Variants in MALRD1 observed in about 807,000 individuals in gnomAD.
MALRD1 encodes MAM and LDL receptor class A domain containing 1.
In MALRD1, 247 loss-of-function variants were observed where a neutral mutation model predicts 242.1. The ratio of observed to expected loss-of-function variants is 1.02; its 90% confidence interval spans 0.92 to 1.13. The LOEUF (loss-of-function observed/expected upper bound fraction) is 1.13. MALRD1 is among the 50% of genes most tolerant of loss of function. The probability of loss-of-function intolerance (pLI) is 0.00; values close to 1 mark genes in which losing one functional copy is unlikely to be tolerated. For missense variants in MALRD1, 2,989 were observed against 2,533.1 expected, an observed-to-expected ratio of 1.18 and a Z score of -3.86; for synonymous variants, 995 against 866.6, an observed-to-expected ratio of 1.15 and a Z score of -2.60.
intron 18 of MALRD1, among the ~76,000 whole-genome samples, chr10:19,242,824 G>T (rs1838851640): frequency 6.6e-6 from 1 of 151,960 alleles, no homozygotes; most frequent in African/African-American, 2.4e-5. Flanking sequence ...CTTTAATAGT[G>T]AGGTAAGTAT....
At chr10:19,536,860 TAAG>T (rs1236239569) in intron 32 of MALRD1, among the ~76,000 whole-genome samples, 5 of 152,026 alleles carry the variant, frequency 3.3e-5, no homozygotes, top group Non-Finnish European at 5.9e-5. Flanking sequence ...CTGGAGCAAA[TAAG>T]AAAGTTTCCT....
At chr10:19,604,395 T>G (rs1255106775) in intron 34 of MALRD1, among the ~76,000 whole-genome samples, 1 of 152,196 alleles carries the variant, frequency 6.6e-6, no homozygotes, top group Non-Finnish European at 1.5e-5. Context: ...ACATTCCCTC[T>G]GCTCCAGCCT....
intron 23 of MALRD1, among the ~76,000 whole-genome samples, chr10:19,328,103 T>G (rs920942382): frequency 2.6e-5 from 4 of 152,232 alleles, no homozygotes; most frequent in African/African-American, 4.8e-5. Context: ...AAAATATTTT[T>G]GGGGGGCACA....
chr10:19,238,736 C>T (rs1838615796), intron 18 of MALRD1, among the ~76,000 whole-genome samples: 1 of 149,028 alleles, frequency 6.7e-6, no homozygotes, highest in African/African-American at 2.5e-5. Flanking sequence ...AGTGGGATTG[C>T]TGGGTTATGT....
intron 18 of MALRD1, among the ~76,000 whole-genome samples, chr10:19,227,937 G>C (rs1169207344): frequency 6.6e-6 from 1 of 152,182 alleles, no homozygotes; most frequent in African/African-American, 2.4e-5. Flanking sequence ...ACCCACTGGA[G>C]TGGCTGACAC....
intron 26 of MALRD1, among the ~76,000 whole-genome samples, chr10:19,377,038 G>A (rs1251690930): frequency 6.6e-6 from 1 of 152,144 alleles, no homozygotes; most frequent in Non-Finnish European, 1.5e-5. Context: ...ACAATTCTTA[G>A]AACAGGATTC....
At chr10:19,429,580 A>AAACTT (rs1165357114) in intron 28 of MALRD1, among the ~76,000 whole-genome samples, 1 of 151,948 alleles carries the variant, frequency 6.6e-6, no homozygotes, top group African/African-American at 2.4e-5. Context: ...AAACAAAACA[A>AAACTT]AACAAATAGA....
intron 31 of MALRD1, among the ~76,000 whole-genome samples, chr10:19,521,987 T>C (rs1833902424): frequency 6.6e-6 from 1 of 152,112 alleles, no homozygotes; most frequent in Non-Finnish European, 1.5e-5. Flanking sequence ...CATTTTCACA[T>C]CTGTCATCCA....
intron 31 of MALRD1, among the ~76,000 whole-genome samples, chr10:19,515,445 G>A (rs1457963103): frequency 2.6e-5 from 4 of 152,102 alleles, no homozygotes; most frequent in African/African-American, 7.2e-5. Flanking sequence ...ATGAGAAACT[G>A]TAGAAGAGGC....
At chr10:19,228,847 CTT>C (rs1218124369) in intron 18 of MALRD1, among the ~76,000 whole-genome samples, 1 of 151,912 alleles carries the variant, frequency 6.6e-6, no homozygotes, top group African/African-American at 2.4e-5. Flanking sequence ...TTTTTGAAGA[CTT>C]TACTTCAAAA....
At chr10:19,565,874 T>G (rs1040105219) in intron 32 of MALRD1, among the ~76,000 whole-genome samples, 5 of 152,208 alleles carry the variant, frequency 3.3e-5, no homozygotes, top group African/African-American at 4.8e-5. Flanking sequence ...GTTTCCAAAC[T>G]TTGGGCAAGT....
At chr10:19,690,817 GTAGA>G (rs980081052) in intron 36 of MALRD1, among the ~76,000 whole-genome samples, 13 of 152,050 alleles carry the variant, frequency 8.5e-5, no homozygotes, top group East Asian at 7.7e-4. Context: ...TGATAGGTAG[GTAGA>G]TAGATAGACA....
At chr10:19,141,857 T>C (rs990736929) in intron 10 of MALRD1, among the ~76,000 whole-genome samples, 2 of 151,988 alleles carry the variant, frequency 1.3e-5, no homozygotes, top group African/African-American at 4.8e-5. Context: ...TGTGATATTG[T>C]CTCTAGATGT....
chr10:19,318,488 G>A (rs1842792295), intron 21 of MALRD1, among the ~76,000 whole-genome samples: 1 of 149,172 alleles, frequency 6.7e-6, no homozygotes, highest in Non-Finnish European at 1.5e-5. Context: ...CTGTTGGATT[G>A]GGGAAATTAT....
intron 21 of MALRD1, among the ~76,000 whole-genome samples, chr10:19,287,504 C>G (rs1841182161): frequency 1.3e-5 from 2 of 151,878 alleles, no homozygotes. Flanking sequence ...ATGATTGTTT[C>G]CTTTGTTTAT....
chr10:19,066,209 C>G (rs919334233), intron 1 of MALRD1, among the ~76,000 whole-genome samples: 5 of 152,084 alleles, frequency 3.3e-5, no homozygotes, highest in Non-Finnish European at 7.4e-5. Flanking sequence ...AAGAAAAAAT[C>G]TTTACGCGTT....
At chr10:19,233,354 T>C (rs1024133461) in intron 18 of MALRD1, among the ~76,000 whole-genome samples, 1 of 151,980 alleles carries the variant, frequency 6.6e-6, no homozygotes, top group Non-Finnish European at 1.5e-5. Flanking sequence ...ATACAAAAAT[T>C]AGCCAGGTGT....
At chr10:19,591,430 C>A (rs1217326008) in intron 33 of MALRD1, among the ~76,000 whole-genome samples, 3 of 151,762 alleles carry the variant, frequency 2.0e-5, no homozygotes, top group Non-Finnish European at 4.4e-5. Flanking sequence ...AGAATAAATC[C>A]ATTAACATTA....
intron 5 of MALRD1, among the ~76,000 whole-genome samples, chr10:19,107,436 G>C (rs1343873200): frequency 6.6e-6 from 1 of 151,784 alleles, no homozygotes; most frequent in African/African-American, 2.4e-5. Flanking sequence ...ATCTGATATA[G>C]TTATAGCTAC....
Sources: allele counts gnomAD v4.1 joint callset (sites outside exome capture counted in the v4.1 genomes callset), GRCh38; gene constraint gnomAD v4.1.1; transcripts MANE v1.5; gene names NCBI Gene and HGNC (gene_info 2026-07-23, HGNC 2026-07-21).